TCHP: variants seen among roughly 807,000 people sequenced by gnomAD.
TCHP encodes the protein trichoplein keratin filament binding, also known as trichoplein keratin filament-binding protein.
TCHP carries 81 observed loss-of-function variants against 88.7 expected under a neutral mutation model. The observed-to-expected ratio is 0.91, with a 90% CI of 0.76 to 1.10. The LOEUF is 1.10. Ranked by LOEUF, TCHP falls within the 50% of genes least tolerant of loss-of-function variation. The pLI, the probability that TCHP is intolerant of heterozygous loss-of-function variation, is 0.00. For synonymous variants in TCHP, 232 were observed against 232.5 expected, an observed-to-expected ratio of 1.00 and a Z score of 0.02; for missense variants, 641 against 632.1, an observed-to-expected ratio of 1.01 and a Z score of -0.15.
At chr12:109,884,894 C>T in the TCHP span, among the ~76,000 whole-genome samples, 2 of 152,248 alleles carry the variant, frequency 1.3e-5, no homozygotes, top group Non-Finnish European at 2.9e-5. Flanking sequence ...GCAGGAAATT[C>T]ACCCTGATGT....
the TCHP span, among the ~76,000 whole-genome samples, chr12:109,892,353 T>G: frequency 6.6e-6 from 1 of 151,922 alleles, no homozygotes; most frequent in African/African-American, 2.4e-5. Flanking sequence ...AGGGGAAGGG[T>G]CTTCCAGACA....
upstream of TCHP, among the ~76,000 whole-genome samples, chr12:109,898,528 T>TA (rs1431985606): frequency 6.6e-6 from 1 of 152,110 alleles, no homozygotes; most frequent in Non-Finnish European, 1.5e-5. Flanking sequence ...GCTCTATTTT[T>TA]ACTCTCATTC....
At chr12:109,893,690 G>A in the TCHP span, among the ~76,000 whole-genome samples, 5 of 152,194 alleles carry the variant, frequency 3.3e-5, no homozygotes, top group African/African-American at 4.8e-5. Context: ...GCCTGACCGG[G>A]AGGGGTGAGC....
the TCHP span, among the ~76,000 whole-genome samples, chr12:109,891,397 T>TC: frequency 6.6e-6 from 1 of 151,598 alleles, no homozygotes; most frequent in Non-Finnish European, 1.5e-5. Context: ...TTCCTTTTTT[T>TC]TTTTTTTTGA....
chr12:109,883,814 T>C, the TCHP span, among the ~76,000 whole-genome samples: 4 of 152,186 alleles, frequency 2.6e-5, no homozygotes, highest in African/African-American at 7.2e-5. Context: ...AGGTCATTGC[T>C]CTGAGATAAT....
chr12:109,901,604 G>A (rs1869799926), intron 1 of TCHP, among the ~76,000 whole-genome samples: 2 of 152,364 alleles, frequency 1.3e-5, no homozygotes, highest in South Asian at 4.1e-4. Context: ...AAAACCTTGA[G>A]TTGGTGTCGG....
chr12:109,915,110 A>T (rs1444193123), intron 11 of TCHP: 1 of 523,144 alleles, frequency 1.9e-6, no homozygotes, highest in Non-Finnish European at 3.4e-6. Flanking sequence ...GGTACACACA[A>T]TGCATACAGC....
At chr12:109,881,140 C>T in the TCHP span, among the ~76,000 whole-genome samples, 1 of 152,230 alleles carries the variant, frequency 6.6e-6, no homozygotes, top group Non-Finnish European at 1.5e-5. Context: ...AAAATAGGGC[C>T]TGGAGGCAGG....
chr12:109,909,926 T>A lies in TCHP; in HGVS notation c.879+989T>A, dbSNP rs140868449. ...GTTGCAATAAGCTGAGATCAAGCCG[T>A]TGCACTCAAGCCTGGGGGACAAGAG... On this transcript the variant is annotated intron_variant, in intron 8 of 12. Transcript: ENST00000405876. Among the ~76,000 whole-genome samples the A allele has an allele frequency of 6.8e-3, 1,037 of 152,212 alleles. 1 individual carries two copies. The highest frequency in any genetic ancestry group is 9.4e-3 in the Non-Finnish European group (641 of 68,010).
At chr12:109,915,353 C>T in intron 11 of TCHP, 50 bp from the exon 12 acceptor site, 1 of 1,613,340 alleles carries the variant, frequency 6.2e-7, no homozygotes, top group Non-Finnish European at 8.5e-7. Context: ...AGGCAGGGCT[C>T]TGCCCTGTGG....
the TCHP span, among the ~76,000 whole-genome samples, chr12:109,884,402 G>A: frequency 2.6e-5 from 4 of 151,970 alleles, no homozygotes; most frequent in Non-Finnish European, 5.9e-5. Context: ...GTTAGCCAGG[G>A]TGGTCTGGAT....
intron 1 of TCHP, among the ~76,000 whole-genome samples, chr12:109,902,323 C>G (rs141184243): frequency 5.9e-5 from 9 of 151,892 alleles, no homozygotes; most frequent in African/African-American, 1.9e-4. Context: ...GGCGCACCAC[C>G]ACTCCTGGCT....
chr12:109,889,824 C>T, the TCHP span, among the ~76,000 whole-genome samples: 1 of 152,234 alleles, frequency 6.6e-6, no homozygotes, highest in African/African-American at 2.4e-5. Context: ...ACCTCCCCAA[C>T]TGCCAGGTTT....
chr12:109,902,850 A>G (rs913852629), intron 1 of TCHP, among the ~76,000 whole-genome samples, 177 bp from the exon 2 acceptor site: 9 of 152,106 alleles, frequency 5.9e-5, no homozygotes, highest in Non-Finnish European at 4.4e-5. Flanking sequence ...TTTTTGATTG[A>G]ATTAGTTTGG....
At chr12:109,901,064 G>A (rs1286325691) in intron 1 of TCHP, 1 of 152,208 alleles carries the variant, frequency 6.6e-6, no homozygotes, top group Non-Finnish European at 1.5e-5. Flanking sequence ...TGAAAGGTCT[G>A]TCCTCCATGG....
At chr12:109,886,871 G>A in the TCHP span, among the ~76,000 whole-genome samples, 1 of 151,836 alleles carries the variant, frequency 6.6e-6, no homozygotes, top group Admixed American at 6.6e-5. Flanking sequence ...GCCACGCCCG[G>A]CTAATTTTTG....
the TCHP span, among the ~76,000 whole-genome samples, chr12:109,886,987 G>A: frequency 1.3e-5 from 2 of 152,078 alleles, no homozygotes; most frequent in African/African-American, 2.4e-5. Flanking sequence ...GATTACAGGC[G>A]TGAGCCACTG....
chr12:109,910,834 T>G (rs1411350458), intron 8 of TCHP, among the ~76,000 whole-genome samples: 1 of 152,190 alleles, frequency 6.6e-6, no homozygotes, highest in African/African-American at 2.4e-5. Context: ...GGGTCTCCCT[T>G]TAGCCAGAGA....
chr12:109,910,959 G>T, intron 8 of TCHP, 104 bp from the exon 9 acceptor site: 1 of 1,398,248 alleles, frequency 7.2e-7, no homozygotes, highest in Non-Finnish European at 9.3e-7. Context: ...GTAGAATCAC[G>T]AATGTCTATG....
Sources: allele counts gnomAD v4.1 joint callset (sites outside exome capture counted in the v4.1 genomes callset), GRCh38; gene constraint gnomAD v4.1.1; transcripts MANE v1.5; gene names NCBI Gene and HGNC (gene_info 2026-07-23, HGNC 2026-07-21).